The following NEBL variants were observed in gnomAD, a reference collection of about 807,000 sequenced individuals.
NEBL encodes nebulette, also known as LIM and SH3 protein 2.
Under a neutral mutation model 140.2 loss-of-function variants are expected in NEBL, and 122 were observed. That is an observed-to-expected ratio of 0.87 (90% CI 0.75 to 1.01). The LOEUF (loss-of-function observed/expected upper bound fraction) is 1.01, where lower values mean the gene tolerates loss of function less well. Among genes scored for constraint, NEBL ranks in the 50% least tolerant of loss-of-function variants. NEBL has a pLI of 0.00. For synonymous variants in NEBL, 436 were observed against 398.9 expected (o/e 1.09, Z -1.11); for missense variants, 1,365 against 1,231.3 (o/e 1.11, Z -1.62).
rs1390022411 is a variant in NEBL at position 20,831,286 on chromosome 10, T to A, written c.1581A>T (p.Leu527Phe). The A allele has an allele frequency of 6.2e-7, 1 of 1,611,206 alleles. No individual in the cohort carries two copies. Residue 527 changes from leucine (L) to phenylalanine (F), a missense_variant, in exon 16 of 28, where the codon TTA (leucine) becomes TTT (phenylalanine). Transcript: ENST00000377122. ...TTCCTTTCCCTTTAATTTCATTTTC[T>A]AAGTCCTTCTTGTATTGTTTCTAAA... ...MASQKQYKKD[L>F]ENEIKGKGMQ...
intron 2 of NEBL, among the ~76,000 whole-genome samples, chr10:20,891,492 T>G (rs990497606): frequency 6.6e-6 from 1 of 152,200 alleles, no homozygotes; most frequent in Non-Finnish European, 1.5e-5. Flanking sequence ...ACTCATTATT[T>G]TTATCTTTTG....
chr10:21,204,066 G>C (rs1841785895), intron 3 of NEBL, among the ~76,000 whole-genome samples: 1 of 152,208 alleles, frequency 6.6e-6, no homozygotes, highest in South Asian at 2.1e-4. Flanking sequence ...GGAGATGTGA[G>C]CTCAGGAAAC....
At chr10:21,166,434 C>A (rs976262216) in intron 2 of NEBL, among the ~76,000 whole-genome samples, 1 of 152,016 alleles carries the variant, frequency 6.6e-6, no homozygotes, top group Admixed American at 6.6e-5. Context: ...GCCCATAGTG[C>A]GAAAAACTTC....
chr10:21,132,283 T>C (rs919621054), intron 2 of NEBL, among the ~76,000 whole-genome samples: 2 of 152,224 alleles, frequency 1.3e-5, no homozygotes, highest in Non-Finnish European at 2.9e-5. Context: ...GTTTTCAGGA[T>C]TCATCATGTT....
intron 3 of NEBL, among the ~76,000 whole-genome samples, chr10:21,017,905 C>A (rs1838621428): frequency 6.6e-6 from 1 of 151,888 alleles, no homozygotes; most frequent in African/African-American, 2.4e-5. Context: ...CTCACTGCAA[C>A]CTCCACCTCC....
At chr10:20,867,883 TA>T (rs1333958468) in intron 7 of NEBL, 3 of 152,044 alleles carry the variant, frequency 2.0e-5, no homozygotes, top group African/African-American at 7.2e-5. Flanking sequence ...ACTGATTATT[TA>T]ATCTCTCACT....
intron 4 of NEBL, among the ~76,000 whole-genome samples, chr10:20,905,795 A>G (rs1010460082): frequency 2.6e-5 from 4 of 152,156 alleles, no homozygotes; most frequent in African/African-American, 9.6e-5. Context: ...AGGGAAGGAG[A>G]GGAGCTGAGG....
chr10:21,280,353 C>T (rs933682955), intron 1 of NEBL, among the ~76,000 whole-genome samples: 6 of 152,194 alleles, frequency 3.9e-5, no homozygotes, highest in African/African-American at 1.4e-4. Flanking sequence ...GTTTATACCA[C>T]TGCCCTAGGC....
chr10:21,127,301 A>G lies in NEBL; in HGVS notation c.164+45082T>C, dbSNP rs569414493. On this transcript the variant is annotated intron_variant, in intron 2 of 6. Coordinates refer to the NEBL transcript ENST00000417816. ...TAATGATGAAAAATTGATCCCTACT[A>G]AAGAATTCCAACTACTAAATGCAGA... Among the ~76,000 whole-genome samples the G allele has an allele frequency of 3.3e-5, 5 of 152,338 alleles. No homozygotes were observed. The South Asian group carries it at 1.0e-3, about 32-fold the overall frequency.
chr10:20,845,280 T>C lies in NEBL; in HGVS notation c.1205A>G (p.Tyr402Cys). 1 of 1,586,718 alleles carries C rather than the reference T, an allele frequency of 6.3e-7. No homozygotes were observed. Residue 402 changes from tyrosine to cysteine, a missense_variant, in exon 12 of 28, where the codon TAC becomes TGC. Physicochemically the swap from Tyr to Cys is radical, Grantham distance 194 (BLOSUM62 -2). Transcript: ENST00000377122. ...DKTPEFLHVK[Y>C]ITNLLREKEY... The stretch of plus-strand genomic sequence containing the variant: ...TACCTCCCTCAGAAGGTTGGTGATG[T>C]ACTTTACATGTAAAAATTCTGGAGT...
intron 4 of NEBL, among the ~76,000 whole-genome samples, chr10:20,881,772 G>C (rs1846030649): frequency 6.6e-6 from 1 of 152,032 alleles, no homozygotes; most frequent in Admixed American, 6.6e-5. Context: ...ATAAATAAGT[G>C]AATGAATAAC....
At chr10:20,879,045 G>A (rs185386223) in intron 5 of NEBL, among the ~76,000 whole-genome samples, 1 of 152,264 alleles carries the variant, frequency 6.6e-6, no homozygotes, top group East Asian at 1.9e-4. Context: ...CGTCTCTTCA[G>A]TGTCAAAATA....
At chr10:20,855,245 G>T (rs1842946615) in intron 9 of NEBL, among the ~76,000 whole-genome samples, 1 of 144,286 alleles carries the variant, frequency 6.9e-6, no homozygotes, top group Non-Finnish European at 1.5e-5. Flanking sequence ...AAAAAAAAGT[G>T]TTTTTTTTTT....
At chr10:21,231,137 T>C (rs931908807) in intron 3 of NEBL, among the ~76,000 whole-genome samples, 2 of 152,348 alleles carry the variant, frequency 1.3e-5, no homozygotes, top group East Asian at 1.9e-4. Context: ...CCTCGCGATG[T>C]GCGAGCACTT....
rs1414331096 is a variant in NEBL at position 21,010,994 on chromosome 10, T to G, written c.249+9123A>C. Among the ~76,000 whole-genome samples, 8 of 152,158 alleles carry G rather than the reference T, an allele frequency of 5.3e-5. No individual in the cohort carries two copies. The East Asian group carries it at 1.5e-3, about 29-fold the overall frequency. ...AGGAGCTATTTAGAGAATGGTCAAA[T>G]GAAATGGCAGGCCTGACAATTGCTA... is the stretch of plus-strand genomic sequence containing the variant. On this transcript the variant is annotated intron_variant, in intron 3 of 6. Coordinates refer to the NEBL transcript ENST00000417816.
intron 10 of NEBL, among the ~76,000 whole-genome samples, chr10:20,851,991 T>TC (rs397717025): frequency 2.0e-5 from 3 of 151,064 alleles, no homozygotes; most frequent in African/African-American, 7.3e-5. Flanking sequence ...CTGACATCTT[T>TC]GCAACTATTT....
At chr10:21,030,049 T>G (rs1589152887) in intron 2 of NEBL, 1 of 477,994 alleles carries the variant, frequency 2.1e-6, no homozygotes, top group Admixed American at 2.8e-5. Flanking sequence ...GAGATGATTC[T>G]TCTGCTAGTA....
chr10:21,176,241 G>A (rs888740336), upstream of NEBL, among the ~76,000 whole-genome samples: 4 of 152,172 alleles, frequency 2.6e-5, no homozygotes, highest in Middle Eastern at 3.4e-3. Flanking sequence ...GGGCTCAAGC[G>A]ATCCTCCCAC....
chr10:21,094,270 A>C (rs982235818), intron 2 of NEBL, among the ~76,000 whole-genome samples: 6 of 152,112 alleles, frequency 3.9e-5, no homozygotes, highest in Admixed American at 2.0e-4. Context: ...TGGGAGGCCG[A>C]GGTGGGCGGA....
Sources: gnomAD v4.1 joint callset for allele counts (sites outside exome capture counted in the v4.1 genomes callset) on GRCh38, gnomAD v4.1.1 for gene constraint, MANE v1.5 for transcripts, NCBI Gene and HGNC (gene_info 2026-07-23, HGNC 2026-07-21) for gene names.